EBF1: variants seen among roughly 807,000 people sequenced by gnomAD.
EBF1 encodes the protein transcription factor COE1.
In EBF1, 10 loss-of-function variants were observed where a neutral mutation model predicts 68.4. The ratio of observed to expected loss-of-function variants is 0.15; its 90% CI spans 0.09 to 0.25. The LOEUF (loss-of-function observed/expected upper bound fraction) is 0.25. Among genes scored for constraint, EBF1 ranks in the 10% least tolerant of loss-of-function variants. The probability of loss-of-function intolerance (pLI) is 1.00; values close to 1 mark genes in which losing one functional copy is unlikely to be tolerated. For synonymous variants in EBF1, 298 were observed against 299.8 expected (o/e 0.99, Z 0.06); for missense variants, 509 against 794.4 (o/e 0.64, Z 4.32).
chr5:158,921,771 C>T lies in EBF1; in HGVS notation c.555-81661G>A, dbSNP rs563646602. 1.4e-4 allele frequency among the ~76,000 whole-genome samples: 21 copies of T among 152,332 alleles called. No homozygotes were observed. The South Asian group carries it at 1.5e-3, about 11-fold the overall frequency. On this transcript the variant is annotated intron_variant, in intron 6 of 15. Coordinates refer to ENST00000313708, the MANE Select transcript of EBF1 (RefSeq NM_024007.5). Reference sequence around the variant, plus strand: ...TCCAACCCTGGTCTGAGATCTTCAACACCGCAAGCCCAATAATTGGCACAG... The same window carrying T: ...TCCAACCCTGGTCTGAGATCTTCAATACCGCAAGCCCAATAATTGGCACAG...
At chr5:159,090,255 A>C (rs1446277635) in intron 4 of EBF1, among the ~76,000 whole-genome samples, 1 of 117,918 alleles carries the variant, frequency 8.5e-6, no homozygotes, top group Non-Finnish European at 1.8e-5. Context: ...AAAAAAAAGA[A>C]AGAAAAAAAA....
intron 6 of EBF1, among the ~76,000 whole-genome samples, chr5:158,888,482 C>A (rs1800484531): frequency 6.6e-6 from 1 of 152,106 alleles, no homozygotes; most frequent in African/African-American, 2.4e-5. Context: ...AATAAATCTA[C>A]ATAGCTACAG....
intron 6 of EBF1, among the ~76,000 whole-genome samples, chr5:158,957,412 T>C (rs1180281791): frequency 2.0e-5 from 3 of 152,350 alleles, no homozygotes; most frequent in East Asian, 3.9e-4. Context: ...CCAAATCTGT[T>C]TTGTTGCAAA....
chr5:158,900,424 T>TA (rs1803049068), intron 6 of EBF1, among the ~76,000 whole-genome samples: 1 of 152,214 alleles, frequency 6.6e-6, no homozygotes, highest in African/African-American at 2.4e-5. Context: ...GGAAAAATGA[T>TA]AAAAGAACTG....
At chr5:159,082,725 C>A (rs1456040359) in intron 5 of EBF1, among the ~76,000 whole-genome samples, 3 of 152,206 alleles carry the variant, frequency 2.0e-5, no homozygotes, top group Admixed American at 6.5e-5. Flanking sequence ...ACCCCTTATA[C>A]ATCTATAGGC....
At chr5:159,075,331 G>C (rs1047112865) in intron 5 of EBF1, among the ~76,000 whole-genome samples, 1 of 152,122 alleles carries the variant, frequency 6.6e-6, no homozygotes, top group African/African-American at 2.4e-5. Flanking sequence ...AATCTGCCCT[G>C]TGCTCTGCAG....
At chr5:158,800,056 G>A (rs1276865797) in intron 8 of EBF1, among the ~76,000 whole-genome samples, 1 of 151,992 alleles carries the variant, frequency 6.6e-6, no homozygotes, top group East Asian at 1.9e-4. Flanking sequence ...TGTTCATTGC[G>A]GTATTGACAG....
chr5:158,926,953 C>G (rs1809837762), intron 6 of EBF1, among the ~76,000 whole-genome samples: 1 of 152,112 alleles, frequency 6.6e-6, no homozygotes, highest in Non-Finnish European at 1.5e-5. Context: ...GAAAAGCAAG[C>G]CTTCCTTGTT....
chr5:158,811,492 G>A (rs1042818750), intron 8 of EBF1, among the ~76,000 whole-genome samples: 1 of 152,110 alleles, frequency 6.6e-6, no homozygotes, highest in Admixed American at 6.6e-5. Flanking sequence ...CTTTGGCCAC[G>A]ACCAAATCCT....
At chr5:158,849,849 A>G (rs1465209164) in intron 6 of EBF1, among the ~76,000 whole-genome samples, 1 of 152,224 alleles carries the variant, frequency 6.6e-6, no homozygotes, top group Non-Finnish European at 1.5e-5. Context: ...GAACCTAGGG[A>G]TGTTGGCCCC....
chr5:158,765,722 C>T (rs1356678905), intron 10 of EBF1, among the ~76,000 whole-genome samples: 1 of 152,142 alleles, frequency 6.6e-6, no homozygotes, highest in African/African-American at 2.4e-5. Context: ...TACCTCTCAC[C>T]ATTGAGAGAT....
chr5:159,049,886 TACAA>T (rs1241319880), intron 6 of EBF1, among the ~76,000 whole-genome samples: 1 of 152,218 alleles, frequency 6.6e-6, no homozygotes, highest in Admixed American at 6.5e-5. Context: ...CCGGTTGTCC[TACAA>T]AACTAACTCT....
intron 6 of EBF1, among the ~76,000 whole-genome samples, chr5:159,031,953 C>T (rs1451150934): frequency 6.6e-6 from 1 of 152,054 alleles, no homozygotes; most frequent in East Asian, 1.9e-4. Flanking sequence ...CTCCCGTCTT[C>T]GAAGGAATTT....
At chr5:158,768,709 C>CG (rs1409861994) in intron 10 of EBF1, among the ~76,000 whole-genome samples, 3 of 151,950 alleles carry the variant, frequency 2.0e-5, no homozygotes, top group African/African-American at 7.3e-5. Flanking sequence ...ATAAGTAAAA[C>CG]GAATAATCCT....
chr5:158,738,574 C>T (rs952518500), intron 10 of EBF1, among the ~76,000 whole-genome samples: 22 of 152,174 alleles, frequency 1.4e-4, no homozygotes, highest in Non-Finnish European at 2.6e-4. Context: ...ATATAAGACT[C>T]TTTTTCCAGT....
In EBF1 at chr5:159,099,547, GAAAA is replaced by G; in HGVS notation, c.-73_-70del. 1.5e-6 allele frequency: 2 copies of G among 1,290,894 alleles called. No homozygotes were observed. The highest frequency in any genetic ancestry group is 2.0e-6 in the Non-Finnish European group (2 of 996,128). The allele number at this position is 1,290,894 out of a possible 1,614,324, so 80.0% of individuals were successfully genotyped here. On this transcript the variant is annotated 5_prime_UTR_variant, in exon 1 of 16. Coordinates refer to ENST00000313708, the MANE Select transcript of EBF1 (RefSeq NM_024007.5). ...AAATTAAAAAAAAAAAAAAAGGAAA[GAAAA>G]GAAAGAAAAGAAAAGAAACAAAAAC...
intron 6 of EBF1, among the ~76,000 whole-genome samples, chr5:158,917,765 G>A (rs1200402675): frequency 2.0e-5 from 3 of 152,160 alleles, no homozygotes; most frequent in Admixed American, 2.0e-4. Flanking sequence ...TGTGAATGAC[G>A]GGACATCCAG....
chr5:158,696,254 G>C lies in EBF1; in HGVS notation c.*2857C>G, dbSNP rs1308961186. 1.8e-5 allele frequency: 4 copies of C among 219,132 alleles called. No homozygotes were observed. The highest frequency in any genetic ancestry group is 9.0e-5 in the African/African-American group (4 of 44,448). The allele number at this position is 219,132 out of a possible 1,614,324, so 13.6% of individuals were successfully genotyped here. On this transcript the variant is annotated 3_prime_UTR_variant, in exon 16 of 16. Transcript: ENST00000313708. ...CATTTTCTTCTTAAAGCCATATTCT[G>C]TATTTAGGGGAACATCTTTTATTTG...
chr5:158,730,151 G>T (rs1763795585), intron 11 of EBF1, among the ~76,000 whole-genome samples: 1 of 152,236 alleles, frequency 6.6e-6, no homozygotes, highest in African/African-American at 2.4e-5. Flanking sequence ...AATGTTAATA[G>T]TTTTCACTTG....
Sources: gnomAD v4.1 joint callset for allele counts (sites outside exome capture counted in the v4.1 genomes callset) on GRCh38, gnomAD v4.1.1 for gene constraint, MANE v1.5 for transcripts, NCBI Gene and HGNC (gene_info 2026-07-23, HGNC 2026-07-21) for gene names.